LYRM4: variants seen among roughly 807,000 people sequenced by gnomAD.
LYRM4 encodes LYR motif-containing protein 4.
In LYRM4, 9 loss-of-function variants were observed where a neutral mutation model predicts 11.7. The ratio of observed to expected loss-of-function variants is 0.77; its 90% confidence interval spans 0.46 to 1.34. The LOEUF (loss-of-function observed/expected upper bound fraction) is 1.34. Among genes scored for constraint, LYRM4 ranks in the 40% most tolerant of loss-of-function variants. LYRM4 has a pLI of 0.00. For missense variants in LYRM4, 133 were observed against 112.5 expected, an observed-to-expected ratio of 1.18 and a Z score of -0.82; for synonymous variants, 42 against 40.4, an observed-to-expected ratio of 1.04 and a Z score of -0.15.
Position 5,216,612 on chromosome 6 carries a change from T to C in LYRM4, c.207+6A>G. On this transcript the variant is annotated splice_donor_region_variant and intron_variant, in intron 2 of 2. Coordinates refer to ENST00000330636, the MANE Select transcript of LYRM4 (RefSeq NM_020408.6). The stretch of plus-strand genomic sequence containing the variant: ...TGAAAAACAGTACATCATTGAACCA[T>C]CTTACCTGTCGACGAATTACTCCAA... 1 of 1,613,980 alleles carries C rather than the reference T, an allele frequency of 6.2e-7. No individual in the cohort carries two copies. The highest frequency in any genetic ancestry group is 1.1e-5 in the South Asian group (1 of 91,060).
chr6:5,089,458 T>C, the LYRM4 span: 1 of 152,216 alleles, frequency 6.6e-6, no homozygotes, highest in Non-Finnish European at 1.5e-5. Flanking sequence ...TAAAATTAAA[T>C]GAGGAGCCCA....
chr6:5,186,270 T>A (rs1221912880), intron 2 of LYRM4, among the ~76,000 whole-genome samples: 1 of 151,896 alleles, frequency 6.6e-6, no homozygotes, highest in Non-Finnish European at 1.5e-5. Flanking sequence ...AAGGGGAGGT[T>A]TAGGAGAGCA....
chr6:5,071,593 T>C, the LYRM4 span, among the ~76,000 whole-genome samples: 2 of 145,356 alleles, frequency 1.4e-5, no homozygotes, highest in Non-Finnish European at 3.2e-5. Context: ...TGTATGTGTA[T>C]GTGTGTGTAT....
chr6:5,120,373 G>C (rs1198425204), intron 2 of LYRM4, among the ~76,000 whole-genome samples: 1 of 152,184 alleles, frequency 6.6e-6, no homozygotes, highest in Non-Finnish European at 1.5e-5. Context: ...GGTCTGCTTT[G>C]TAGTGTGCCC....
the LYRM4 span, among the ~76,000 whole-genome samples, chr6:5,053,491 G>A: frequency 6.6e-6 from 1 of 152,012 alleles, no homozygotes; most frequent in Non-Finnish European, 1.5e-5. Flanking sequence ...AACTGGTGAG[G>A]TGGCTTGCAC....
intron 2 of LYRM4, among the ~76,000 whole-genome samples, chr6:5,145,983 G>A (rs1386581077): frequency 6.6e-6 from 1 of 152,200 alleles, no homozygotes; most frequent in Non-Finnish European, 1.5e-5. Flanking sequence ...ATGCCTCTAC[G>A]ATCAACTCTG....
At chr6:5,170,281 A>G (rs1759348184) in intron 2 of LYRM4, among the ~76,000 whole-genome samples, 1 of 152,198 alleles carries the variant, frequency 6.6e-6, no homozygotes, top group Non-Finnish European at 1.5e-5. Flanking sequence ...ACGAAAACCA[A>G]TCATTAGGAA....
chr6:5,197,289 C>G (rs1241893903), intron 2 of LYRM4, among the ~76,000 whole-genome samples: 9 of 152,010 alleles, frequency 5.9e-5, no homozygotes, highest in African/African-American at 1.4e-4. Flanking sequence ...AAGGGGGGGG[C>G]CAAGTGCCTG....
In LYRM4 at chr6:5,243,821, T is replaced by C. The variant is rs540879321; in HGVS notation, c.86+16827A>G. On this transcript the variant is annotated intron_variant, in intron 1 of 2. Transcript: ENST00000330636. ...CTTTGAAAATCGTTGGTGAAACAGA[T>C]GGTGGCATCTTAATAAAACAAAGTA... 5.9e-5 allele frequency among the ~76,000 whole-genome samples: 9 copies of C among 152,370 alleles called. No homozygotes were observed. The South Asian group carries it at 1.9e-3, about 32-fold the overall frequency.
At chr6:5,102,461 C>T (rs530319800), downstream of LYRM4, 1 of 152,238 alleles carries the variant, frequency 6.6e-6, no homozygotes, top group Non-Finnish European at 1.5e-5. Context: ...CTGATGAAGT[C>T]ACATGAATTC....
chr6:5,135,057 G>A (rs71547287), intron 2 of LYRM4, among the ~76,000 whole-genome samples: 87 of 72,898 alleles, frequency 1.2e-3, no homozygotes, highest in Non-Finnish European at 1.8e-3. Flanking sequence ...GGTGCGGATC[G>A]CTCCCGGGAC....
At chr6:5,200,726 G>A (rs1163422063) in intron 2 of LYRM4, among the ~76,000 whole-genome samples, 4 of 152,246 alleles carry the variant, frequency 2.6e-5, no homozygotes, top group Non-Finnish European at 2.9e-5. Flanking sequence ...CCACTGGTTC[G>A]CAACTGTGGC....
intron 2 of LYRM4, among the ~76,000 whole-genome samples, chr6:5,167,006 T>C (rs1322318183): frequency 6.6e-6 from 1 of 152,156 alleles, no homozygotes; most frequent in Non-Finnish European, 1.5e-5. Context: ...AGGTGAGAGC[T>C]GCCGGCCCAG....
At chr6:5,200,844 T>G (rs1452369157) in intron 2 of LYRM4, among the ~76,000 whole-genome samples, 1 of 129,902 alleles carries the variant, frequency 7.7e-6, no homozygotes, top group Non-Finnish European at 1.8e-5. Context: ...TAGGTGGTTC[T>G]GACGTACAGT....
chr6:5,095,808 C>T, the LYRM4 span, among the ~76,000 whole-genome samples: 1 of 151,774 alleles, frequency 6.6e-6, no homozygotes, highest in East Asian at 1.9e-4. Context: ...GGTGAAACCT[C>T]ATCTCTACTA....
At chr6:5,233,416 T>C (rs567792789) in intron 1 of LYRM4, among the ~76,000 whole-genome samples, 3 of 152,230 alleles carry the variant, frequency 2.0e-5, no homozygotes, top group Admixed American at 6.5e-5. Context: ...ATTAAAGCAG[T>C]GGAGAAGCCC....
chr6:5,078,894 A>G, the LYRM4 span, among the ~76,000 whole-genome samples: 1 of 152,192 alleles, frequency 6.6e-6, no homozygotes, highest in Non-Finnish European at 1.5e-5. Flanking sequence ...GAGTTAGGAA[A>G]ATTATTTCTA....
chr6:5,037,702 T>C, the LYRM4 span, among the ~76,000 whole-genome samples: 7 of 27,004 alleles, frequency 2.6e-4, 1 homozygote, highest in African/African-American at 6.1e-4. Context: ...CCCCCCCACC[T>C]CCCTCCCGGA....
At chr6:5,131,633 C>G (rs571838948) in intron 2 of LYRM4, among the ~76,000 whole-genome samples, 12 of 152,320 alleles carry the variant, frequency 7.9e-5, no homozygotes, top group Non-Finnish European at 1.6e-4. Context: ...TCATCAAGGA[C>G]TAGGCCAAAA....
Sources: allele counts gnomAD v4.1 joint callset (sites outside exome capture counted in the v4.1 genomes callset), GRCh38; gene constraint gnomAD v4.1.1; transcripts MANE v1.5; gene names NCBI Gene and HGNC (gene_info 2026-07-23, HGNC 2026-07-21).